CTNND2: variants seen among roughly 807,000 people sequenced by gnomAD.
CTNND2 encodes catenin delta 2.
Under a neutral mutation model 144.4 loss-of-function variants are expected in CTNND2, and 22 were observed. The ratio of observed to expected loss-of-function variants is 0.15; its 90% confidence interval spans 0.11 to 0.22. The LOEUF is 0.22. Among genes scored for constraint, CTNND2 ranks in the 10% least tolerant of loss-of-function variants. The pLI is 1.00. For missense variants in CTNND2, 1,353 were observed against 1,618.8 expected (o/e 0.84, Z 2.82); for synonymous variants, 751 against 695.6 (o/e 1.08, Z -1.25).
At chr5:11,696,792 T>A (rs1266737834) in intron 2 of CTNND2, among the ~76,000 whole-genome samples, 1 of 152,206 alleles carries the variant, frequency 6.6e-6, no homozygotes, top group African/African-American at 2.4e-5. Context: ...CAACCAGTAA[T>A]TAGCAACTGA....
intron 1 of CTNND2, among the ~76,000 whole-genome samples, chr5:11,798,215 T>C (rs901779852): frequency 6.8e-6 from 1 of 146,936 alleles, no homozygotes; most frequent in Non-Finnish European, 1.5e-5. Context: ...TGAGCTGAGA[T>C]GGTGCCACTG....
At chr5:11,786,019 C>T (rs1220716910) in intron 1 of CTNND2, among the ~76,000 whole-genome samples, 1 of 148,108 alleles carries the variant, frequency 6.8e-6, no homozygotes, top group African/African-American at 2.7e-5. Flanking sequence ...CGCAGCATTT[C>T]CTGGGTGCCC....
In CTNND2 at chr5:11,393,504, A is replaced by G. The variant is rs61749811; in HGVS notation, c.612+3527T>C. On this transcript the variant is annotated intron_variant, in intron 6 of 21. Transcript: ENST00000304623. ...GACATGGGGTGAAACCAACATGTTT[A>G]GAGTTGGTTTTTGGCTCCTCTTTGC... Among the ~76,000 whole-genome samples the G allele has an allele frequency of 2.6e-3, 389 of 152,334 alleles. 12 individuals are homozygous for G. The East Asian group carries it at 0.05, about 19-fold the overall frequency.
chr5:11,319,472 G>A (rs1751822675), intron 9 of CTNND2, among the ~76,000 whole-genome samples: 2 of 152,140 alleles, frequency 1.3e-5, no homozygotes, highest in African/African-American at 2.4e-5. Context: ...GTTTTTGTGT[G>A]TGACAAACCA....
chr5:11,624,157 T>G (rs1781027776), intron 2 of CTNND2, among the ~76,000 whole-genome samples: 1 of 152,038 alleles, frequency 6.6e-6, no homozygotes, highest in Non-Finnish European at 1.5e-5. Flanking sequence ...GCATTGAGTA[T>G]TTCTGTGTTA....
intron 3 of CTNND2, among the ~76,000 whole-genome samples, chr5:11,468,345 GA>G (rs1202140211): frequency 6.6e-6 from 1 of 152,186 alleles, no homozygotes; most frequent in African/African-American, 2.4e-5. Context: ...TCATAAAACA[GA>G]AAATCATTAA....
At chr5:11,505,055 A>G (rs928866317) in intron 3 of CTNND2, among the ~76,000 whole-genome samples, 22 of 152,284 alleles carry the variant, frequency 1.4e-4, no homozygotes, top group Admixed American at 6.5e-4. Context: ...TGCTGCGGGC[A>G]TGAGTCATAG....
intron 9 of CTNND2, among the ~76,000 whole-genome samples, chr5:11,289,363 G>C (rs1370172892): frequency 6.6e-6 from 1 of 152,224 alleles, no homozygotes; most frequent in African/African-American, 2.4e-5. Context: ...CAGCTACCGA[G>C]TAGCACAGGG....
chr5:11,777,042 T>C (rs1403699264), intron 1 of CTNND2, among the ~76,000 whole-genome samples: 1 of 152,172 alleles, frequency 6.6e-6, no homozygotes, highest in African/African-American at 2.4e-5. Context: ...ATTAAGTAAT[T>C]CTCAATAAAT....
At chr5:11,372,605 T>G (rs1757561146) in intron 7 of CTNND2, among the ~76,000 whole-genome samples, 1 of 152,186 alleles carries the variant, frequency 6.6e-6, no homozygotes. Context: ...ACAGGGATGG[T>G]TTGACACCTG....
chr5:11,588,308 C>T (rs920195556), intron 2 of CTNND2, among the ~76,000 whole-genome samples: 9 of 148,320 alleles, frequency 6.1e-5, no homozygotes, highest in African/African-American at 2.2e-4. Context: ...TTTAACTGCG[C>T]ATCGAAGGAA....
chr5:11,782,625 G>A (rs182862777), intron 1 of CTNND2, among the ~76,000 whole-genome samples: 54 of 152,168 alleles, frequency 3.5e-4, no homozygotes, highest in African/African-American at 1.2e-3. Flanking sequence ...ATTCCACTAC[G>A]ACGAATCTAT....
chr5:11,080,477 T>C (rs1394790487), intron 16 of CTNND2, among the ~76,000 whole-genome samples: 4 of 152,258 alleles, frequency 2.6e-5, no homozygotes, highest in Admixed American at 6.5e-5. Flanking sequence ...TCTGGGTATA[T>C]ATCCAGAGGA....
At chr5:11,449,433 G>A (rs1272304454) in intron 3 of CTNND2, among the ~76,000 whole-genome samples, 2 of 152,168 alleles carry the variant, frequency 1.3e-5, no homozygotes, top group African/African-American at 4.8e-5. Flanking sequence ...CTGCTCTGCT[G>A]TCCAACAAGA....
intron 9 of CTNND2, among the ~76,000 whole-genome samples, chr5:11,324,950 CT>C (rs11381791): frequency 0.053 from 7,773 of 146,508 alleles, 298 homozygotes; most frequent in African/African-American, 0.11. Flanking sequence ...ATGCATTATC[CT>C]TTTTTTTTTT....
chr5:11,394,811 C>A (rs1411269307), intron 6 of CTNND2, among the ~76,000 whole-genome samples: 1 of 152,102 alleles, frequency 6.6e-6, no homozygotes, highest in African/African-American at 2.4e-5. Flanking sequence ...AAATTAGAAT[C>A]TTTGAGCATT....
At chr5:11,440,314 A>C (rs1317326101) in intron 3 of CTNND2, among the ~76,000 whole-genome samples, 1 of 152,170 alleles carries the variant, frequency 6.6e-6, no homozygotes, top group Non-Finnish European at 1.5e-5. Context: ...CTCAAAAATA[A>C]ATTATGATGC....
rs376290204 is a variant in CTNND2 at position 11,412,010 on chromosome 5, T to A, written c.322+25A>T. The A allele has an allele frequency of 3.8e-6, 6 of 1,586,476 alleles. No individual in the cohort carries two copies. In the Admixed American group the frequency reaches 1.0e-4, roughly 26 times the overall value. The stretch of plus-strand genomic sequence containing the variant: ...GTAGAGATATGTTTAGAAGTGTAAG[T>A]GTTCATCAATAAGATAGACATTACC... On this transcript the variant is annotated intron_variant, in intron 4 of 21. Transcript: ENST00000304623.
intron 5 of CTNND2, among the ~76,000 whole-genome samples, chr5:11,403,815 T>A (rs930080310): frequency 1.3e-5 from 2 of 152,214 alleles, no homozygotes; most frequent in Non-Finnish European, 2.9e-5. Context: ...AATTTGTGAA[T>A]GGGAACATAG....
Sources: gnomAD v4.1 joint callset for allele counts (sites outside exome capture counted in the v4.1 genomes callset) on GRCh38, gnomAD v4.1.1 for gene constraint, MANE v1.5 for transcripts, NCBI Gene and HGNC (gene_info 2026-07-23, HGNC 2026-07-21) for gene names.